Variants in CTTNBP2 observed in about 807,000 individuals in gnomAD.
CTTNBP2 encodes the protein cortactin binding protein 2, also known as cortactin-binding protein 2.
A neutral mutation model predicts 156.9 loss-of-function variants in CTTNBP2; 108 were observed. That is an observed-to-expected ratio of 0.69 (90% CI 0.59 to 0.81). The LOEUF is 0.81. Among genes scored for constraint, CTTNBP2 ranks in the 30% least tolerant of loss-of-function variants. The pLI is 0.00. For synonymous variants in CTTNBP2, 767 were observed against 751.8 expected (o/e 1.02, Z -0.33); for missense variants, 1,924 against 2,035.4 (o/e 0.95, Z 1.05).
intron 22 of CTTNBP2, chr7:117,712,414 T>C (rs1042632570): frequency 6.6e-6 from 1 of 152,190 alleles, no homozygotes; most frequent in Non-Finnish European, 1.5e-5. Flanking sequence ...GGTAAGATGA[T>C]TTGCCCACAG....
At chr7:117,868,147 C>T (rs1409014058) in intron 1 of CTTNBP2, among the ~76,000 whole-genome samples, 2 of 152,176 alleles carry the variant, frequency 1.3e-5, no homozygotes, top group Admixed American at 6.5e-5. Flanking sequence ...GTGACATCAG[C>T]CCGACATGGG....
chr7:117,783,121 T>C (rs1333687606), intron 5 of CTTNBP2, among the ~76,000 whole-genome samples, 160 bp from the exon 6 acceptor site: 1 of 152,194 alleles, frequency 6.6e-6, no homozygotes, highest in Non-Finnish European at 1.5e-5. Context: ...TGTAGACTAT[T>C]TTACAGGAAA....
chr7:117,823,744 G>A (rs1801114273), intron 2 of CTTNBP2, among the ~76,000 whole-genome samples: 1 of 152,136 alleles, frequency 6.6e-6, no homozygotes, highest in Non-Finnish European at 1.5e-5. Context: ...TGTCACCCAG[G>A]CTGGAGTGCA....
intron 1 of CTTNBP2, among the ~76,000 whole-genome samples, chr7:117,862,511 TC>T (rs1477475645): frequency 6.6e-6 from 1 of 152,214 alleles, no homozygotes; most frequent in African/African-American, 2.4e-5. Context: ...AAGTAGGTTC[TC>T]TGGCATTCGT....
In CTTNBP2 at chr7:117,728,277, C is replaced by T. The variant is rs1795214308; in HGVS notation, c.3877-10G>A. 1 of 1,594,948 alleles carries T rather than the reference C, an allele frequency of 6.3e-7. No individual in the cohort carries two copies. Among genetic ancestry groups the T allele is most frequent in the Non-Finnish European group, 8.5e-7 (1 of 1,169,926 alleles). On this transcript the variant is annotated splice_polypyrimidine_tract_variant and intron_variant, in intron 16 of 22. Transcript: ENST00000160373. ...GCGCCTGACCTTTGAACTAGAGAGA[C>T]AGGGAGGTGGAACCCAGGGGCTTGG...
At position 117,765,265 on chromosome 7, in the gene CTTNBP2, C is replaced by G. The variant is rs560257310; in HGVS notation, c.2896+1794G>C. Among the ~76,000 whole-genome samples the G allele has an allele frequency of 3.3e-5, 5 of 152,236 alleles. No individual in the cohort carries two copies. In the East Asian group the frequency reaches 9.7e-4, roughly 29 times the overall value. ...TTACTTTCTATAGTTCATTTGCATT[C>G]GCAGCTTTTATCATAAGCCTTATGG... On this transcript the variant is annotated intron_variant, in intron 9 of 22. Transcript: ENST00000160373.
intron 2 of CTTNBP2, among the ~76,000 whole-genome samples, chr7:117,829,514 C>T (rs1801480947): frequency 6.6e-6 from 1 of 152,140 alleles, no homozygotes. Context: ...ACCTGCACAC[C>T]TTTTCTTTGT....
In CTTNBP2 at chr7:117,725,275, G is replaced by A. The variant is rs773667434; in HGVS notation, c.4056-18C>T. Reference sequence around the variant, plus strand: ...ACATCCACCTAGCAGGAGAGGGACCGATTCATCCCTTAGGAGCAGGCTTCT... The same window carrying A: ...ACATCCACCTAGCAGGAGAGGGACCAATTCATCCCTTAGGAGCAGGCTTCT... On this transcript the variant is annotated intron_variant, in intron 17 of 22. Coordinates refer to ENST00000160373, the MANE Select transcript of CTTNBP2 (RefSeq NM_033427.3). 1.4e-5 allele frequency: 22 copies of A among 1,606,622 alleles called. No homozygotes were observed. The highest frequency in any genetic ancestry group is 6.6e-5 in the South Asian group (6 of 90,908).
chr7:117,742,437 T>C (rs1015134072), intron 14 of CTTNBP2, among the ~76,000 whole-genome samples: 5 of 152,168 alleles, frequency 3.3e-5, no homozygotes, highest in Non-Finnish European at 7.4e-5. Context: ...TGCCCTAGAA[T>C]AGAAGGCCTT....
chr7:117,739,111 C>T (rs1458202120), intron 14 of CTTNBP2, among the ~76,000 whole-genome samples: 3 of 152,208 alleles, frequency 2.0e-5, no homozygotes, highest in Non-Finnish European at 4.4e-5. Flanking sequence ...TTAGTACCTA[C>T]TTTTCCATCT....
At chr7:117,754,355 CA>C (rs1230434068) in intron 12 of CTTNBP2, among the ~76,000 whole-genome samples, 1 of 152,192 alleles carries the variant, frequency 6.6e-6, no homozygotes, top group Non-Finnish European at 1.5e-5. Flanking sequence ...TGGTGCTGGT[CA>C]TCACATTACA....
In CTTNBP2 at chr7:117,710,734, C is replaced by T. The variant is rs1176887906; in HGVS notation, c.*803G>A. 4 of 152,234 alleles carry T rather than the reference C, an allele frequency of 2.6e-5. No individual in the cohort carries two copies. The highest frequency in any genetic ancestry group is 5.9e-5 in the Non-Finnish European group (4 of 67,954). 9.4% of individuals were successfully genotyped at this position (152,234 alleles called of 1,614,324 possible). ...ATTTTGTCTGTAATTTTAGAAGTAACATTTGTAGAAAATATCAATATTATC... is the reference window on the plus strand; with the variant it reads ...ATTTTGTCTGTAATTTTAGAAGTAATATTTGTAGAAAATATCAATATTATC... On this transcript the variant is annotated 3_prime_UTR_variant, in exon 23 of 23. Transcript: ENST00000160373.
At chr7:117,770,247 G>A (rs1240903183) in intron 8 of CTTNBP2, among the ~76,000 whole-genome samples, 2 of 152,196 alleles carry the variant, frequency 1.3e-5, no homozygotes, top group Non-Finnish European at 2.9e-5. Context: ...TGAACTGAGA[G>A]TCTTTTATTT....
chr7:117,720,185 TTC>T (rs58468301), intron 20 of CTTNBP2, among the ~76,000 whole-genome samples: 28,506 of 151,986 alleles, frequency 0.19, 2,931 homozygotes, highest in Non-Finnish European at 0.22. Context: ...TTCATCTCCC[TTC>T]TCTCTCTTTA....
chr7:117,773,781 C>A (rs1797942676), intron 8 of CTTNBP2, among the ~76,000 whole-genome samples: 1 of 151,612 alleles, frequency 6.6e-6, no homozygotes. Context: ...GAGAAAAGGG[C>A]AGTGTTCTGG....
In CTTNBP2 at chr7:117,792,668, T is replaced by C; in HGVS notation, c.528A>G (p.Lys176=). 3.1e-6 allele frequency: 5 copies of C among 1,614,068 alleles called. No homozygotes were observed. Among genetic ancestry groups the C allele is most frequent in the Non-Finnish European group, 4.2e-6 (5 of 1,180,000 alleles). Reference sequence around the variant, plus strand: ...CTTTGCCTGAGAGCTGCTTGCACTCTTTGACCAGCATCAGGACCACCTGCT... The same window carrying C: ...CTTTGCCTGAGAGCTGCTTGCACTCCTTGACCAGCATCAGGACCACCTGCT... ...KNKQVVLMLV[K]ECKQLSGKVI... is the part of the protein sequence containing the mutation. The change falls in exon 4 of 23, where the codon AAA becomes AAG. Residue 176 remains lysine, a synonymous_variant. Transcript: ENST00000160373. This position sits in a 1 kb window ranked among gnomAD's most constrained non-coding sequence, Gnocchi z 4.2.
intron 10 of CTTNBP2, 196 bp from the exon 11 acceptor site, chr7:117,758,166 G>A: frequency 1.8e-6 from 1 of 554,958 alleles, no homozygotes; most frequent in Non-Finnish European, 3.2e-6. Context: ...TTGAAAGGAA[G>A]GCTTTCAATC....
intron 10 of CTTNBP2, among the ~76,000 whole-genome samples, chr7:117,759,815 A>G (rs561877912): frequency 2.0e-5 from 3 of 152,354 alleles, no homozygotes; most frequent in Non-Finnish European, 4.4e-5. Context: ...CATAGAAGGT[A>G]GTTCTCCTGG....
intron 16 of CTTNBP2, among the ~76,000 whole-genome samples, chr7:117,734,691 C>T (rs568476802): frequency 5.4e-4 from 82 of 152,354 alleles, no homozygotes; most frequent in African/African-American, 1.9e-3. Context: ...TCCTTGAGAA[C>T]AGCTGATAGC....
Sources: allele counts gnomAD v4.1 joint callset (sites outside exome capture counted in the v4.1 genomes callset), GRCh38; gene constraint gnomAD v4.1.1; non-coding constraint Gnocchi (gnomAD v3.1); transcripts MANE v1.5; gene names NCBI Gene and HGNC (gene_info 2026-07-23, HGNC 2026-07-21).